The following RNF144B variants were observed in gnomAD, a reference collection of about 807,000 sequenced individuals.
RNF144B encodes the protein ring finger protein 144B.
A neutral mutation model predicts 40.2 loss-of-function variants in RNF144B; 25 were observed. That is an observed-to-expected ratio of 0.62 (90% CI 0.45 to 0.87). The LOEUF (loss-of-function observed/expected upper bound fraction) is 0.87, where lower values mean the gene tolerates loss of function less well. Ranked by LOEUF, RNF144B falls within the 40% of genes least tolerant of loss-of-function variation. The pLI, the probability that RNF144B is intolerant of heterozygous loss-of-function variation, is 0.00. For missense variants in RNF144B, 365 were observed against 373.7 expected, an observed-to-expected ratio of 0.98 and a Z score of 0.19; for synonymous variants, 145 against 136.3, an observed-to-expected ratio of 1.06 and a Z score of -0.44.
Position 18,405,184 on chromosome 6 carries a change from T to C in RNF144B, c.165+5485T>C, listed in dbSNP as rs181374972. Among the ~76,000 whole-genome samples, 69 of 150,982 alleles carry C rather than the reference T, an allele frequency of 4.6e-4. No individual in the cohort carries two copies. Among genetic ancestry groups the C allele is most frequent in the Non-Finnish European group, 7.5e-4 (51 of 67,702 alleles). ...ATTATTATTATTATTATTGTTATTA[T>C]TATTTTTGAGATGGAGTCTTGCTCT... is the stretch of plus-strand genomic sequence containing the variant. On this transcript the variant is annotated intron_variant, in intron 2 of 7. Transcript: ENST00000259939. The surrounding 1 kb of genome is among the most constrained non-coding windows in gnomAD (Gnocchi z 4.5).
intron 4 of RNF144B, among the ~76,000 whole-genome samples, chr6:18,445,563 A>G (rs577287): frequency 0.22 from 32,900 of 152,142 alleles, 3,565 homozygotes; most frequent in East Asian, 0.26. Context: ...TTTGTAAGTA[A>G]ATTGCAGTTT....
intron 2 of RNF144B, among the ~76,000 whole-genome samples, chr6:18,403,808 T>C (rs999936921): frequency 6.6e-6 from 1 of 152,060 alleles, no homozygotes; most frequent in Non-Finnish European, 1.5e-5. Context: ...TGGCTTCTGG[T>C]GAAGGTCTCA....
chr6:18,451,277 AG>A (rs1339915635), intron 4 of RNF144B, among the ~76,000 whole-genome samples: 1 of 152,222 alleles, frequency 6.6e-6, no homozygotes, highest in Non-Finnish European at 1.5e-5. Context: ...GTCTCTAACA[AG>A]TACCTGAAAC....
At chr6:18,415,318 G>T (rs1795128590) in intron 2 of RNF144B, among the ~76,000 whole-genome samples, 1 of 152,148 alleles carries the variant, frequency 6.6e-6, no homozygotes, top group Non-Finnish European at 1.5e-5. Context: ...ACTACTCATA[G>T]TTCTGAAGGC....
At chr6:18,391,154 A>G (rs1046129731) in intron 1 of RNF144B, among the ~76,000 whole-genome samples, 1 of 152,224 alleles carries the variant, frequency 6.6e-6, no homozygotes, top group Non-Finnish European at 1.5e-5. Flanking sequence ...TCCTGACCCA[A>G]GAAATCAGCC....
chr6:18,436,124 C>G (rs544703653), intron 3 of RNF144B, among the ~76,000 whole-genome samples: 1 of 152,052 alleles, frequency 6.6e-6, no homozygotes, highest in Non-Finnish European at 1.5e-5. Context: ...CCTGATGGCC[C>G]CAAGGACACG....
At chr6:18,424,044 G>C (rs552324806) in intron 2 of RNF144B, among the ~76,000 whole-genome samples, 8 of 152,222 alleles carry the variant, frequency 5.3e-5, no homozygotes, top group African/African-American at 1.9e-4. Context: ...TTTTGCCATT[G>C]TTGCATTGCT....
In RNF144B at chr6:18,419,761, G is replaced by A. The variant is rs1211263180; in HGVS notation, c.166-7820G>A. Among the ~76,000 whole-genome samples, 1 of 152,124 alleles carries A rather than the reference G, an allele frequency of 6.6e-6. No homozygotes were observed. Among genetic ancestry groups the A allele is most frequent in the Non-Finnish European group, 1.5e-5 (1 of 68,010 alleles). On this transcript the variant is annotated intron_variant, in intron 2 of 7. Transcript: ENST00000259939. The surrounding 1 kb of genome is among the most constrained non-coding windows in gnomAD (Gnocchi z 4.6). ...AGACAACTCTTTCAAACATTTGATT[G>A]TGAAGAGTTGAGGAGTGAAGAAGGC...
At chr6:18,397,584 T>G (rs1794718413) in intron 1 of RNF144B, among the ~76,000 whole-genome samples, 1 of 152,196 alleles carries the variant, frequency 6.6e-6, no homozygotes, top group South Asian at 2.1e-4. Context: ...AGAAGAACTT[T>G]GGCTGTAGTT....
Position 18,449,697 on chromosome 6 carries a change from G to GTATATATA in RNF144B, c.332-7449_332-7442dup, listed in dbSNP as rs70974745. 3.4e-3 allele frequency among the ~76,000 whole-genome samples: 508 copies of GTATATATA among 149,330 alleles called. 3 individuals carry two copies. Among genetic ancestry groups the GTATATATA allele is most frequent in the African/African-American group, 0.011 (464 of 40,912 alleles). On this transcript the variant is annotated intron_variant, in intron 4 of 7. Transcript: ENST00000259939. ...TTTACTGTCTACAACGTGTTTTGAA[G>GTATATATA]TATATATATATATATACATTGTGGA...
Position 18,387,402 on chromosome 6 carries a change from T to A in RNF144B, c.-265T>A, listed in dbSNP as rs898023038. On this transcript the variant is annotated 5_prime_UTR_variant, in exon 1 of 8. Transcript: ENST00000259939. ...CAGTCCCGGGCATCGCAGCTGCCAG[T>A]CAAGGCTAGGAGGCGGTCGGGGACT... 5 of 1,160,194 alleles carry A rather than the reference T, an allele frequency of 4.3e-6. No individual in the cohort carries two copies. The highest frequency in any genetic ancestry group is 5.4e-6 in the Non-Finnish European group (5 of 923,778). The allele number at this position is 1,160,194 out of a possible 1,614,324, so 71.9% of individuals were successfully genotyped here. A position where few individuals can be genotyped will look rare whatever the true frequency, so the allele number is the denominator to read the frequency against.
intron 2 of RNF144B, among the ~76,000 whole-genome samples, chr6:18,407,978 CTTTTTCT>C (rs1283901312): frequency 1.2e-5 from 1 of 82,970 alleles, no homozygotes; most frequent in Non-Finnish European, 2.6e-5. Context: ...TTCTTTCTTT[CTTTTTCT>C]TTTTTTTTTT....
rs565015064 is a variant in RNF144B at position 18,456,860 on chromosome 6, C to T, written c.332-295C>T. 2.0e-5 allele frequency among the ~76,000 whole-genome samples: 3 copies of T among 152,222 alleles called. No individual in the cohort carries two copies. The highest frequency in any genetic ancestry group is 4.1e-4 in the South Asian group (2 of 4,822). On this transcript the variant is annotated intron_variant, in intron 4 of 7. Coordinates refer to ENST00000259939, the MANE Select transcript of RNF144B (RefSeq NM_182757.4). The surrounding 1 kb of genome is among the most constrained non-coding windows in gnomAD (Gnocchi z 4.7). ...GGCAGATCACCTGGGGTCAGGAATT[C>T]GAGATCAGCCTGGCCAACAAGGTGA...
chr6:18,453,340 T>A (rs955676803), intron 4 of RNF144B, among the ~76,000 whole-genome samples: 5 of 151,578 alleles, frequency 3.3e-5, no homozygotes, highest in African/African-American at 1.2e-4. Context: ...GGTTTCACCA[T>A]GTTGGCCAGG....
rs933026967 is a variant in RNF144B at position 18,398,147 on chromosome 6, C to T, written c.-36-1352C>T. 4.6e-5 allele frequency among the ~76,000 whole-genome samples: 7 copies of T among 152,018 alleles called. No homozygotes were observed. The highest frequency in any genetic ancestry group is 1.0e-4 in the Non-Finnish European group (7 of 68,004). On this transcript the variant is annotated intron_variant, in intron 1 of 7. Transcript: ENST00000259939. This position sits in a 1 kb window ranked among gnomAD's most constrained non-coding sequence, Gnocchi z 5.0. ...CCCCACAAACAGTAACTCTTCATTT[C>T]CCCCTCCCACCAGCCCCTGGTAACC... is the stretch of plus-strand genomic sequence containing the variant.
chr6:18,435,607 T>C (rs1337284388), intron 3 of RNF144B, among the ~76,000 whole-genome samples: 2 of 152,198 alleles, frequency 1.3e-5, no homozygotes, highest in African/African-American at 4.8e-5. Context: ...AATATCTCCC[T>C]ACAAGGTAAT....
intron 3 of RNF144B, among the ~76,000 whole-genome samples, chr6:18,430,695 T>G (rs541924586): frequency 1.5e-4 from 23 of 151,878 alleles, no homozygotes; most frequent in African/African-American, 5.3e-4. Context: ...TCTCTATGTT[T>G]TCCAGCCTGG....
chr6:18,431,212 C>A (rs1271710899), intron 3 of RNF144B, among the ~76,000 whole-genome samples: 1 of 150,212 alleles, frequency 6.7e-6, no homozygotes, highest in Admixed American at 6.7e-5. Flanking sequence ...GGTGACACAG[C>A]GAGACTCCAT....
chr6:18,436,218 A>G (rs1758821178), intron 3 of RNF144B, among the ~76,000 whole-genome samples: 1 of 152,322 alleles, frequency 6.6e-6, no homozygotes, highest in Admixed American at 6.5e-5. Context: ...GGAACACTGT[A>G]CAAATAACTG....
Sources: allele counts gnomAD v4.1 joint callset (sites outside exome capture counted in the v4.1 genomes callset), GRCh38; gene constraint gnomAD v4.1.1; non-coding constraint Gnocchi (gnomAD v3.1); transcripts MANE v1.5; gene names NCBI Gene and HGNC (gene_info 2026-07-23, HGNC 2026-07-21).